The following ZNF140 variants were observed in gnomAD, a reference collection of about 807,000 sequenced individuals.
The protein encoded by ZNF140 is zinc finger protein 140, also known as zinc finger protein 140 (clone pHZ-39).
In ZNF140, 13 loss-of-function variants were observed where a neutral mutation model predicts 12.9. The ratio of observed to expected loss-of-function variants is 1.01; its 90% CI spans 0.66 to 1.60. ZNF140 has a LOEUF of 1.60. Among genes scored for constraint, ZNF140 ranks in the 40% most tolerant of loss-of-function variants. The probability of loss-of-function intolerance (pLI) is 0.00; values close to 1 mark genes in which losing one functional copy is unlikely to be tolerated. For missense variants in ZNF140, 531 were observed against 548.8 expected, an observed-to-expected ratio of 0.97 and a Z score of 0.32; for synonymous variants, 214 against 186.7, an observed-to-expected ratio of 1.15 and a Z score of -1.19.
At chr12:133,103,428 AT>A (rs144653447) in intron 4 of ZNF140, among the ~76,000 whole-genome samples, 37,461 of 140,904 alleles carry the variant, frequency 0.27, 5,266 homozygotes, top group African/African-American at 0.43. Flanking sequence ...CTAAGTTTTA[AT>A]TTTTTTTTTT....
chr12:133,106,236 A>G lies in ZNF140; in HGVS notation c.959A>G (p.Gln320Arg). Residue 320 changes from glutamine to arginine, a missense_variant, in exon 5 of 5, where the codon CAG becomes CGG. Transcript: ENST00000355557. ...FRRFSHLTRH[Q>R]SIHTTKTPYE... ...CGTTTCTCACACCTTACTCGACATCAGAGCATCCATACAACCAAAACCCCG... is the reference window on the plus strand; with the variant it reads ...CGTTTCTCACACCTTACTCGACATCGGAGCATCCATACAACCAAAACCCCG... The G allele has an allele frequency of 6.2e-7, 1 of 1,614,230 alleles. No homozygotes were observed. The highest frequency in any genetic ancestry group is 1.1e-5 in the South Asian group (1 of 91,084).
rs1005679058 is a variant in ZNF140 at position 133,090,941 on chromosome 12, G to A, written c.232+7380G>A. 9.8e-3 allele frequency among the ~76,000 whole-genome samples: 1,416 copies of A among 144,010 alleles called. 16 individuals carry two copies. The highest frequency in any genetic ancestry group is 0.034 in the African/African-American group (1,282 of 38,166). The allele number at this position is 144,010 out of a possible 152,430, so 94.5% of individuals were successfully genotyped here. On this transcript the variant is annotated intron_variant, in intron 4 of 4. Coordinates refer to ENST00000355557, the MANE Select transcript of ZNF140 (RefSeq NM_003440.4). The stretch of plus-strand genomic sequence containing the variant: ...GGCAGCATTACTGCAAACATATCTC[G>A]CCTCCCACCATAGGGCGGTTTTGCT...
chr12:133,086,960 A>G (rs1954696513), intron 4 of ZNF140, among the ~76,000 whole-genome samples: 1 of 152,222 alleles, frequency 6.6e-6, no homozygotes, highest in South Asian at 2.1e-4. Flanking sequence ...TAGGTTCTCA[A>G]TTCTCTTTCA....
At chr12:133,088,126 T>TAA (rs112836102) in intron 4 of ZNF140, among the ~76,000 whole-genome samples, 2 of 137,722 alleles carry the variant, frequency 1.5e-5, no homozygotes, top group Non-Finnish European at 3.2e-5. Flanking sequence ...AGACTCTGTC[T>TAA]AAAAAAAAAA....
chr12:133,086,896 T>C (rs1954694486), intron 4 of ZNF140, among the ~76,000 whole-genome samples: 1 of 152,248 alleles, frequency 6.6e-6, no homozygotes, highest in African/African-American at 2.4e-5. Context: ...GATCAACCAT[T>C]TTCCTCACTG....
intron 4 of ZNF140, among the ~76,000 whole-genome samples, chr12:133,095,379 G>A (rs1172719908): frequency 6.6e-6 from 1 of 150,822 alleles, no homozygotes; most frequent in Non-Finnish European, 1.5e-5. Context: ...GCTGACTGTG[G>A]ATGTACTTGG....
rs58610589 is a variant in ZNF140 at position 133,100,160 on chromosome 12, G to GTTTTTTTTTTT, written c.233-5333_233-5323dup. On this transcript the variant is annotated intron_variant, in intron 4 of 4. Transcript: ENST00000355557. ...CATCCAAAAATTTAATGCCTTTTCC[G>GTTTTTTTTTTT]TTTTTTTTTTTTTTTTTTTTTTTTT... 7.9e-4 allele frequency among the ~76,000 whole-genome samples: 48 copies of GTTTTTTTTTTT among 60,982 alleles called. 2 individuals are homozygous for GTTTTTTTTTTT. The highest frequency in any genetic ancestry group is 2.1e-3 in the African/African-American group (26 of 12,638). The allele number at this position is 60,982 out of a possible 152,430, so 40.0% of individuals were successfully genotyped here.
In ZNF140 at chr12:133,100,008, T is replaced by C. The variant is rs372953132; in HGVS notation, c.233-5502T>C. Among the ~76,000 whole-genome samples, 3 of 151,894 alleles carry C rather than the reference T, an allele frequency of 2.0e-5. No individual in the cohort carries two copies. The East Asian group carries it at 5.8e-4, about 29-fold the overall frequency. On this transcript the variant is annotated intron_variant, in intron 4 of 4. Coordinates refer to ENST00000355557, the MANE Select transcript of ZNF140 (RefSeq NM_003440.4). ...TTCTTTTTCTTGGTTTCTGAGAAGA[T>C]CTGATGTACGGTAATCCTCCCCTAT...
At chr12:133,088,723 A>G (rs1245287501) in intron 4 of ZNF140, among the ~76,000 whole-genome samples, 4 of 152,256 alleles carry the variant, frequency 2.6e-5, no homozygotes, top group African/African-American at 7.2e-5. Flanking sequence ...CCCGTCAGCA[A>G]TGAATGATTG....
chr12:133,090,034 A>C (rs1954804342), intron 4 of ZNF140, among the ~76,000 whole-genome samples: 1 of 151,946 alleles, frequency 6.6e-6, no homozygotes, highest in Non-Finnish European at 1.5e-5. Context: ...TTTTTAGTAG[A>C]GATGGGGTCT....
chr12:133,105,045 A>G (rs1955537216), intron 4 of ZNF140, among the ~76,000 whole-genome samples: 1 of 152,192 alleles, frequency 6.6e-6, no homozygotes, highest in Non-Finnish European at 1.5e-5. Flanking sequence ...ATCATAGGCA[A>G]GTTTTCAGAG....
intron 4 of ZNF140, 44 bp downstream of exon 4, chr12:133,083,605 C>A: frequency 4.6e-6 from 7 of 1,528,334 alleles, no homozygotes; most frequent in Non-Finnish European, 6.3e-6. Flanking sequence ...TAAAACCACT[C>A]AATTAGTCAA....
In ZNF140 at chr12:133,105,425, T is replaced by C. The variant is rs1429621557; in HGVS notation, c.233-85T>C. 4.3e-6 allele frequency: 6 copies of C among 1,393,128 alleles called. No individual in the cohort carries two copies. The East Asian group carries it at 7.4e-5, about 17-fold the overall frequency. The allele number at this position is 1,393,128 out of a possible 1,614,324, so 86.3% of individuals were successfully genotyped here. The stretch of plus-strand genomic sequence containing the variant: ...ATTGATAAGATTTTTTGAAACTTCA[T>C]TCTGTTGCTAAAGAAGGGAGAAATG... On this transcript the variant is annotated intron_variant, in intron 4 of 4. Transcript: ENST00000355557.
chr12:133,103,177 T>C (rs1055247302), intron 4 of ZNF140, among the ~76,000 whole-genome samples: 9 of 150,488 alleles, frequency 6.0e-5, no homozygotes, highest in African/African-American at 2.3e-4. Flanking sequence ...TTCTATGTGA[T>C]AAGAGCATTC....
In ZNF140 at chr12:133,105,136, T is replaced by G. The variant is rs908684778; in HGVS notation, c.233-374T>G. 2.0e-5 allele frequency among the ~76,000 whole-genome samples: 3 copies of G among 152,202 alleles called. No homozygotes were observed. In the South Asian group the frequency reaches 6.2e-4, roughly 31 times the overall value. ...AACAGAATCTAATGTCTTTGTGCAA[T>G]CTGACGAACACTTAGTGTTTAGTAG... On this transcript the variant is annotated intron_variant, in intron 4 of 4. Transcript: ENST00000355557.
chr12:133,084,060 A>G, intron 4 of ZNF140: 1 of 363,534 alleles, frequency 2.8e-6, no homozygotes, highest in Non-Finnish European at 5.3e-6. Flanking sequence ...TATATTACCT[A>G]ACAGCTGACA....
At chr12:133,097,803 G>C (rs1287194102) in intron 4 of ZNF140, among the ~76,000 whole-genome samples, 1 of 149,782 alleles carries the variant, frequency 6.7e-6, no homozygotes, top group Non-Finnish European at 1.5e-5. Context: ...ATATGCATGA[G>C]GCACCACATC....
intron 4 of ZNF140, among the ~76,000 whole-genome samples, chr12:133,094,191 C>T (rs1223561615): frequency 6.7e-6 from 1 of 150,248 alleles, no homozygotes; most frequent in African/African-American, 2.5e-5. Context: ...AATAATACAA[C>T]AGTCTGAAAA....
chr12:133,105,833 G>A lies in ZNF140; in HGVS notation c.556G>A (p.Glu186Lys), dbSNP rs867714443. ...GTTACACCAGAGGACTCATACTGGA[G>A]AGAAACCATATGCATGTAAGGAATG... ...LVLHQRTHTG[E>K]KPYACKECGK... The change falls in exon 5 of 5, where the codon GAG becomes AAG. Residue 186 changes from glutamate to lysine, a missense_variant. Glu to Lys is a moderately conservative substitution (Grantham distance 56, BLOSUM62 1). Coordinates refer to ENST00000355557, the MANE Select transcript of ZNF140 (RefSeq NM_003440.4). 6.2e-7 allele frequency: 1 copy of A among 1,614,182 alleles called. No homozygotes were observed. The highest frequency in any genetic ancestry group is 8.5e-7 in the Non-Finnish European group (1 of 1,180,044).
Sources: allele counts gnomAD v4.1 joint callset (sites outside exome capture counted in the v4.1 genomes callset), GRCh38; gene constraint gnomAD v4.1.1; transcripts MANE v1.5; gene names NCBI Gene and HGNC (gene_info 2026-07-23, HGNC 2026-07-21).